MGAT4C: variants seen among roughly 807,000 people sequenced by gnomAD.
MGAT4C encodes the protein alpha-1,3-mannosyl-glycoprotein 4-beta-N-acetylglucosaminyltransferase C.
In MGAT4C, 19 loss-of-function variants were observed where a neutral mutation model predicts 40.1. That is an observed-to-expected ratio of 0.47 (90% CI 0.33 to 0.70). The LOEUF is 0.70. Among genes scored for constraint, MGAT4C ranks in the 30% least tolerant of loss-of-function variants. MGAT4C has a pLI of 0.02. For synonymous variants in MGAT4C, 181 were observed against 187.1 expected, an observed-to-expected ratio of 0.97 and a Z score of 0.27; for missense variants, 491 against 563.2, an observed-to-expected ratio of 0.87 and a Z score of 1.30.
chr12:86,242,658 TAAAGGC>T (rs1951838915), intron 1 of MGAT4C, among the ~76,000 whole-genome samples: 1 of 152,058 alleles, frequency 6.6e-6, no homozygotes, highest in Non-Finnish European at 1.5e-5. Flanking sequence ...ATAGGGTCTT[TAAAGGC>T]AAATAGAAAG....
intron 1 of MGAT4C, among the ~76,000 whole-genome samples, chr12:86,220,811 A>G (rs1950850561): frequency 6.6e-6 from 1 of 152,216 alleles, no homozygotes; most frequent in African/African-American, 2.4e-5. Context: ...CATGCAGTAT[A>G]GAATAAAGAG....
At chr12:86,270,188 T>G (rs1472336966) in intron 4 of MGAT4C, among the ~76,000 whole-genome samples, 1 of 152,054 alleles carries the variant, frequency 6.6e-6, no homozygotes, top group Non-Finnish European at 1.5e-5. Flanking sequence ...GGCCTCAGCC[T>G]CCCAAGTAGC....
intron 2 of MGAT4C, among the ~76,000 whole-genome samples, chr12:86,585,998 G>T: frequency 6.7e-6 from 1 of 148,560 alleles, no homozygotes; most frequent in South Asian, 2.1e-4. Context: ...TGTGCACAAT[G>T]TGCAGGTTAG....
intron 2 of MGAT4C, among the ~76,000 whole-genome samples, chr12:86,600,299 G>A (rs943845155): frequency 6.6e-6 from 1 of 152,132 alleles, no homozygotes; most frequent in South Asian, 2.1e-4. Context: ...AAGAAAGAAA[G>A]GCCCAGGTTG....
At chr12:86,533,342 G>T (rs1268555919) in intron 2 of MGAT4C, among the ~76,000 whole-genome samples, 1 of 151,916 alleles carries the variant, frequency 6.6e-6, no homozygotes, top group Non-Finnish European at 1.5e-5. Flanking sequence ...TTCTACTGAA[G>T]CTCTTGGTAG....
rs138753649 is a variant in MGAT4C at position 86,662,679 on chromosome 12, A to C, written c.-229+64530T>G. On this transcript the variant is annotated intron_variant, in intron 2 of 7. Coordinates refer to the MGAT4C transcript ENST00000548651. ...TATTCAGAAGATTAAAAATGGATAC[A>C]AAACATCTGGCATAGTGTATGACAG... Among the ~76,000 whole-genome samples, 4 of 152,306 alleles carry C rather than the reference A, an allele frequency of 2.6e-5. No individual in the cohort carries two copies. In the East Asian group the frequency reaches 7.7e-4, roughly 29 times the overall value.
At chr12:86,197,390 A>C (rs1013561392) in intron 1 of MGAT4C, among the ~76,000 whole-genome samples, 1 of 152,192 alleles carries the variant, frequency 6.6e-6, no homozygotes, top group Non-Finnish European at 1.5e-5. Context: ...AACACACACA[A>C]AAATTCTAAC....
At chr12:85,992,676 A>G (rs1010968787) in intron 2 of MGAT4C, among the ~76,000 whole-genome samples, 3 of 152,266 alleles carry the variant, frequency 2.0e-5, no homozygotes, top group African/African-American at 7.2e-5. Flanking sequence ...TGTGGCAAAC[A>G]TGTTTTTGTC....
In MGAT4C at chr12:86,459,145, C is replaced by T. The variant is rs76063535; in HGVS notation, c.-228-23880G>A. 8.0e-3 allele frequency among the ~76,000 whole-genome samples: 1,208 copies of T among 151,900 alleles called. 23 individuals carry two copies. The highest frequency in any genetic ancestry group is 0.06 in the East Asian group (311 of 5,178). ...ATACAAAATATAAGTTTTCAAAAGA[C>T]GAGATAAAGTTTAATGTAAAAAACA... On this transcript the variant is annotated intron_variant, in intron 2 of 7. Coordinates refer to the MGAT4C transcript ENST00000548651.
intron 1 of MGAT4C, among the ~76,000 whole-genome samples, chr12:86,135,865 C>T (rs541976734): frequency 2.0e-5 from 3 of 152,240 alleles, no homozygotes; most frequent in Admixed American, 6.5e-5. Flanking sequence ...TGCTAAATTA[C>T]GATGCATGTG....
chr12:85,975,781 C>T lies in MGAT4C; in HGVS notation c.*3508G>A, dbSNP rs936068928. ...GTTGAATTTGTACAAAACGGTAAATCATTTTATCAGTAGATCCCATAATAA... is the reference window on the plus strand; with the variant it reads ...GTTGAATTTGTACAAAACGGTAAATTATTTTATCAGTAGATCCCATAATAA... On this transcript the variant is annotated 3_prime_UTR_variant, in exon 5 of 5. Transcript: ENST00000611864. 6.6e-6 allele frequency: 1 copy of T among 150,868 alleles called. No homozygotes were observed. The highest frequency in any genetic ancestry group is 1.5e-5 in the Non-Finnish European group (1 of 67,130). The allele number at this position is 150,868 out of a possible 1,614,324, so 9.3% of individuals were successfully genotyped here.
At chr12:86,038,535 C>G (rs913518246) in intron 2 of MGAT4C, among the ~76,000 whole-genome samples, 1 of 112,574 alleles carries the variant, frequency 8.9e-6, no homozygotes, top group Non-Finnish European at 1.9e-5. Context: ...TTGTTTCAAC[C>G]CTTGCTTTAT....
chr12:86,057,231 A>G (rs7965150), intron 1 of MGAT4C, among the ~76,000 whole-genome samples: 122,142 of 152,020 alleles, frequency 0.8, 49,763 homozygotes, highest in East Asian at 0.97. Context: ...AGGCTGGAGC[A>G]CAGTGGCACA....
At chr12:86,513,459 C>T (rs924148604) in intron 2 of MGAT4C, among the ~76,000 whole-genome samples, 4 of 152,084 alleles carry the variant, frequency 2.6e-5, no homozygotes, top group Non-Finnish European at 2.9e-5. Context: ...TCTTCTTGCA[C>T]GCTAATAAGT....
rs571326184 is a variant in MGAT4C at position 86,728,451 on chromosome 12, G to A, written c.-261-1210C>T. On this transcript the variant is annotated intron_variant, in intron 1 of 7. Transcript: ENST00000548651. The stretch of plus-strand genomic sequence containing the variant: ...CACGCCTGTAATCCCAGCACTTTAG[G>A]AGTCTGAGGCTGGTGAATTACCGGA... Among the ~76,000 whole-genome samples the A allele has an allele frequency of 2.4e-4, 36 of 152,328 alleles. 1 individual carries two copies. The South Asian group carries it at 3.9e-3, about 17-fold the overall frequency.
chr12:86,196,340 T>C (rs1247105122), intron 1 of MGAT4C, among the ~76,000 whole-genome samples: 1 of 152,210 alleles, frequency 6.6e-6, no homozygotes, highest in Non-Finnish European at 1.5e-5. Context: ...GCCTTTTGGG[T>C]CCACTGGGGT....
At chr12:86,175,996 T>A (rs1566092743) in intron 1 of MGAT4C, among the ~76,000 whole-genome samples, 2 of 151,958 alleles carry the variant, frequency 1.3e-5, no homozygotes, top group Admixed American at 6.6e-5. Context: ...AACAAATAAT[T>A]TTCTGGGATT....
intron 1 of MGAT4C, among the ~76,000 whole-genome samples, chr12:86,097,728 GC>G (rs1476261625): frequency 6.6e-6 from 1 of 151,458 alleles, no homozygotes. Context: ...TTTATAATTA[GC>G]CTATTATTTC....
At chr12:85,982,284 A>T (rs1451141662) in intron 4 of MGAT4C, among the ~76,000 whole-genome samples, 1 of 152,084 alleles carries the variant, frequency 6.6e-6, no homozygotes, top group Non-Finnish European at 1.5e-5. Flanking sequence ...GGTTCAGGCG[A>T]TTCTTGTGCC....
Sources: allele counts gnomAD v4.1 joint callset (sites outside exome capture counted in the v4.1 genomes callset), GRCh38; gene constraint gnomAD v4.1.1; transcripts MANE v1.5; gene names NCBI Gene and HGNC (gene_info 2026-07-23, HGNC 2026-07-21).